AMOTL1: variants seen among roughly 807,000 people sequenced by gnomAD.
The protein encoded by AMOTL1 is angiomotin-like protein 1.
In AMOTL1, 45 loss-of-function variants were observed where a neutral mutation model predicts 102.9. The ratio of observed to expected loss-of-function variants is 0.44; its 90% CI spans 0.34 to 0.56. The LOEUF (loss-of-function observed/expected upper bound fraction) is 0.56, where lower values mean the gene tolerates loss of function less well. Ranked by LOEUF, AMOTL1 falls within the 20% of genes least tolerant of loss-of-function variation. The pLI, the probability that AMOTL1 is intolerant of heterozygous loss-of-function variation, is 0.01. For synonymous variants in AMOTL1, 481 were observed against 484.7 expected (o/e 0.99, Z 0.10); for missense variants, 1,114 against 1,225.6 (o/e 0.91, Z 1.36).
chr11:94,795,217 T>C, intron 2 of AMOTL1, 57 bp downstream of exon 2: 1 of 1,582,976 alleles, frequency 6.3e-7, no homozygotes, highest in South Asian at 1.1e-5. Context: ...ACGTTTCTCA[T>C]CTTTAGCTCT....
intron 1 of AMOTL1, among the ~76,000 whole-genome samples, chr11:94,777,948 G>C (rs544356589): frequency 6.6e-6 from 1 of 152,298 alleles, no homozygotes; most frequent in South Asian, 2.1e-4. Flanking sequence ...TCATGTGCCA[G>C]GAACTGGGCT....
At chr11:94,813,471 G>A (rs1367505) in intron 3 of AMOTL1, among the ~76,000 whole-genome samples, 40,905 of 152,080 alleles carry the variant, frequency 0.27, 6,087 homozygotes, top group East Asian at 0.46. Context: ...GGAGAGCTCA[G>A]TGCAATTCTT....
intron 3 of AMOTL1, among the ~76,000 whole-genome samples, chr11:94,814,132 TCTC>T (rs1199076178): frequency 2.0e-5 from 3 of 152,180 alleles, no homozygotes. Flanking sequence ...GAGCTTATCT[TCTC>T]CATCATCTTT....
At chr11:94,726,921 T>A (rs536405659) in intron 1 of AMOTL1, among the ~76,000 whole-genome samples, 2 of 152,274 alleles carry the variant, frequency 1.3e-5, no homozygotes, top group South Asian at 4.1e-4. Context: ...CAAGCTGAAG[T>A]GAAATTCAAG....
intron 1 of AMOTL1, among the ~76,000 whole-genome samples, chr11:94,727,505 T>G (rs938446548): frequency 1.3e-5 from 2 of 152,154 alleles, no homozygotes; most frequent in African/African-American, 4.8e-5. Flanking sequence ...GGATAAATAA[T>G]GCAGCTTCCT....
intron 1 of AMOTL1, among the ~76,000 whole-genome samples, chr11:94,728,574 T>C (rs552496150): frequency 3.3e-5 from 5 of 152,262 alleles, no homozygotes; most frequent in African/African-American, 1.2e-4. Flanking sequence ...TTTAGGCAAA[T>C]AGAAGAGTGT....
chr11:94,786,299 T>C (rs2135541798), intron 1 of AMOTL1, among the ~76,000 whole-genome samples: 1 of 152,374 alleles, frequency 6.6e-6, no homozygotes, highest in South Asian at 2.1e-4. Flanking sequence ...CTTTTTATTA[T>C]GGATACTGCC....
intron 3 of AMOTL1, among the ~76,000 whole-genome samples, chr11:94,758,971 T>G (rs1408483144): frequency 1.3e-5 from 2 of 152,192 alleles, no homozygotes; most frequent in Admixed American, 1.3e-4. Context: ...ACATAACACT[T>G]TAAAAAAAAC....
intron 1 of AMOTL1, among the ~76,000 whole-genome samples, chr11:94,719,795 C>T (rs1950149760): frequency 6.6e-6 from 1 of 152,126 alleles, no homozygotes; most frequent in African/African-American, 2.4e-5. Context: ...ATCTGGTTTT[C>T]TGTGATAGAA....
chr11:94,756,173 C>G (rs7936842), intron 3 of AMOTL1, among the ~76,000 whole-genome samples: 1 of 151,828 alleles, frequency 6.6e-6, no homozygotes, highest in African/African-American at 2.4e-5. Flanking sequence ...CTCCTCTCAA[C>G]GTCCAGCCGC....
At chr11:94,777,279 T>C (rs1452267603) in intron 1 of AMOTL1, among the ~76,000 whole-genome samples, 1 of 152,232 alleles carries the variant, frequency 6.6e-6, no homozygotes. Context: ...TCCCGTGGTA[T>C]TGACTGGCCT....
intron 3 of AMOTL1, among the ~76,000 whole-genome samples, chr11:94,812,110 T>A (rs1464023512): frequency 6.6e-6 from 1 of 152,220 alleles, no homozygotes; most frequent in African/African-American, 2.4e-5. Context: ...ATTGTCCTAT[T>A]GATCCGAGCC....
intron 1 of AMOTL1, among the ~76,000 whole-genome samples, chr11:94,774,467 C>A (rs977246361): frequency 6.6e-6 from 1 of 152,158 alleles, no homozygotes; most frequent in Admixed American, 6.5e-5. Flanking sequence ...CTGATGTCAC[C>A]AGGCCGTGTC....
At position 94,874,550 on chromosome 11, in the gene AMOTL1, G is replaced by A. The variant is rs1953062964; in HGVS notation, c.*3755G>A. 6.6e-6 allele frequency: 1 copy of A among 152,218 alleles called. No individual in the cohort carries two copies. The highest frequency in any genetic ancestry group is 2.4e-5 in the African/African-American group (1 of 41,444). 9.4% of individuals were successfully genotyped at this position (152,218 alleles called of 1,614,324 possible). A position where few individuals can be genotyped will look rare whatever the true frequency, so the allele number is the denominator to read the frequency against. On this transcript the variant is annotated 3_prime_UTR_variant, in exon 13 of 13. Transcript: ENST00000433060. ...GTTGCAACAAATTAGTTCTGAACCT[G>A]GAACAGAGAATTCAGTGCTTCTGTT...
chr11:94,747,115 A>T (rs562465964), intron 3 of AMOTL1, among the ~76,000 whole-genome samples: 1 of 152,094 alleles, frequency 6.6e-6, no homozygotes, highest in East Asian at 1.9e-4. Context: ...TGAAGTTTTG[A>T]AAGTCCAATT....
At chr11:94,739,516 A>G (rs898548567) in intron 2 of AMOTL1, among the ~76,000 whole-genome samples, 14 of 152,168 alleles carry the variant, frequency 9.2e-5, no homozygotes, top group Non-Finnish European at 4.4e-5. Context: ...ACAGTGGAAA[A>G]GCCAGAGATG....
chr11:94,758,003 A>C (rs1950747157), intron 3 of AMOTL1, among the ~76,000 whole-genome samples: 1 of 152,240 alleles, frequency 6.6e-6, no homozygotes, highest in African/African-American at 2.4e-5. Context: ...CAGAAGTTGC[A>C]GTGAGCCAAG....
At chr11:94,868,757 C>T (rs929735866) in intron 11 of AMOTL1, among the ~76,000 whole-genome samples, 1 of 152,140 alleles carries the variant, frequency 6.6e-6, no homozygotes, top group Non-Finnish European at 1.5e-5. Flanking sequence ...TTCAGGCCAG[C>T]CCTTCTGGGC....
intron 2 of AMOTL1, among the ~76,000 whole-genome samples, chr11:94,740,661 C>A (rs1460685224): frequency 6.6e-6 from 1 of 151,886 alleles, no homozygotes; most frequent in Non-Finnish European, 1.5e-5. Context: ...GCCGGGGGAG[C>A]CGCGGGGTGG....
Sources: allele counts gnomAD v4.1 joint callset (sites outside exome capture counted in the v4.1 genomes callset), GRCh38; gene constraint gnomAD v4.1.1; transcripts MANE v1.5; gene names NCBI Gene and HGNC (gene_info 2026-07-23, HGNC 2026-07-21).